The following MSRA variants were observed in gnomAD, a reference collection of about 807,000 sequenced individuals.
MSRA encodes methionine sulfoxide reductase A.
MSRA carries 54 observed loss-of-function variants against 31.3 expected under a neutral mutation model. The ratio of observed to expected loss-of-function variants is 1.73; its 90% CI spans 1.39 to 2.17. The LOEUF is 2.17. Among genes scored for constraint, MSRA ranks in the 30% most tolerant of loss-of-function variants. The probability of loss-of-function intolerance (pLI) is 0.00; values close to 1 mark genes in which losing one functional copy is unlikely to be tolerated. For missense variants in MSRA, 507 were observed against 300.9 expected (o/e 1.69, Z -5.07); for synonymous variants, 169 against 116.5 (o/e 1.45, Z -2.90).
At chr8:10,249,154 C>A (rs1010148052) in intron 3 of MSRA, among the ~76,000 whole-genome samples, 1 of 152,174 alleles carries the variant, frequency 6.6e-6, no homozygotes, top group Non-Finnish European at 1.5e-5. Flanking sequence ...GTGTTCTGAT[C>A]CATACTCTGT....
chr8:10,160,089 G>A (rs1804504912), intron 1 of MSRA, among the ~76,000 whole-genome samples: 1 of 152,196 alleles, frequency 6.6e-6, no homozygotes, highest in Non-Finnish European at 1.5e-5. Context: ...TTTGTCAGTT[G>A]AAGATGTGCA....
intron 3 of MSRA, among the ~76,000 whole-genome samples, chr8:10,266,318 T>A (rs953229695): frequency 1.3e-5 from 2 of 152,234 alleles, no homozygotes; most frequent in African/African-American, 2.4e-5. Context: ...CCTACTGTGT[T>A]TTTCACTTGC....
At chr8:10,200,569 G>A (rs564576131) in intron 1 of MSRA, among the ~76,000 whole-genome samples, 28 of 152,308 alleles carry the variant, frequency 1.8e-4, no homozygotes, top group Middle Eastern at 3.4e-3. Context: ...TCAGGGAGGA[G>A]CACTGGGAAT....
chr8:10,192,273 G>C (rs865782048), intron 1 of MSRA, among the ~76,000 whole-genome samples: 1 of 152,226 alleles, frequency 6.6e-6, no homozygotes, highest in African/African-American at 2.4e-5. Context: ...TCCACTTCTT[G>C]ACAGAAGAGT....
At chr8:10,187,495 G>C (rs984678673) in intron 1 of MSRA, among the ~76,000 whole-genome samples, 4 of 152,140 alleles carry the variant, frequency 2.6e-5, no homozygotes, top group Non-Finnish European at 5.9e-5. Context: ...GCAGGTGCCT[G>C]ACTTACACAA....
chr8:10,113,077 G>A (rs890329048), intron 1 of MSRA, among the ~76,000 whole-genome samples: 15 of 152,078 alleles, frequency 9.9e-5, no homozygotes, highest in Non-Finnish European at 1.6e-4. Context: ...CTCCAAGAGC[G>A]TAGGGCTTGT....
rs560589754 is a variant in MSRA at position 10,289,812 on chromosome 8, C to T, written c.332-11722C>T. On this transcript the variant is annotated intron_variant, in intron 3 of 5. Transcript: ENST00000317173. ...AGAAACCTGTCTTTGCTTGGAGAGC[C>T]GTCCATGTTGTTCTGTTTGTACTAA... Among the ~76,000 whole-genome samples, 11 of 152,220 alleles carry T rather than the reference C, an allele frequency of 7.2e-5. No homozygotes were observed. In the East Asian group the frequency reaches 9.7e-4, roughly 13 times the overall value.
At chr8:10,243,111 G>C (rs1423321757) in intron 2 of MSRA, among the ~76,000 whole-genome samples, 2 of 152,204 alleles carry the variant, frequency 1.3e-5, no homozygotes, top group African/African-American at 4.8e-5. Context: ...CATGGGCAAA[G>C]GTCAGGACAG....
At chr8:10,412,352 G>C (rs1208332508) in intron 5 of MSRA, among the ~76,000 whole-genome samples, 1 of 152,180 alleles carries the variant, frequency 6.6e-6, no homozygotes, top group Non-Finnish European at 1.5e-5. Flanking sequence ...CTGGTACTTT[G>C]TGTAATGCCC....
chr8:10,379,427 G>T (rs1805929814), intron 5 of MSRA, among the ~76,000 whole-genome samples: 1 of 152,224 alleles, frequency 6.6e-6, no homozygotes, highest in Non-Finnish European at 1.5e-5. Context: ...TTCACTCGCA[G>T]GTGGCGTCAG....
intron 3 of MSRA, among the ~76,000 whole-genome samples, chr8:10,297,201 G>T (rs997941348): frequency 3.3e-5 from 5 of 151,998 alleles, no homozygotes; most frequent in African/African-American, 1.2e-4. Flanking sequence ...TTCTTGGATT[G>T]GATGCTTCGT....
At chr8:10,286,966 CAGAG>C (rs765710492) in intron 3 of MSRA, among the ~76,000 whole-genome samples, 8 of 152,198 alleles carry the variant, frequency 5.3e-5, no homozygotes, top group Admixed American at 1.3e-4. Flanking sequence ...AGTCGAGACT[CAGAG>C]AGGTTAAGCG....
Position 10,069,247 on chromosome 8 carries a change from T to C in MSRA, c.142+14589T>C, listed in dbSNP as rs527845638. The stretch of plus-strand genomic sequence containing the variant: ...CTTCCTTCCCAATCTGTACACCTTT[T>C]ATTTCTTTTTCTTGTCTTACCACAT... On this transcript the variant is annotated intron_variant, in intron 1 of 5. Coordinates refer to ENST00000317173, the MANE Select transcript of MSRA (RefSeq NM_012331.5). 5.0e-3 allele frequency among the ~76,000 whole-genome samples: 762 copies of C among 152,350 alleles called. 8 individuals carry two copies. The highest frequency in any genetic ancestry group is 0.017 in the African/African-American group (727 of 41,586).
intron 3 of MSRA, among the ~76,000 whole-genome samples, chr8:10,297,908 G>T (rs928922801): frequency 1.3e-5 from 2 of 152,204 alleles, no homozygotes; most frequent in Admixed American, 1.3e-4. Context: ...CCTCGTGTCA[G>T]TTACCACACA....
intron 3 of MSRA, among the ~76,000 whole-genome samples, chr8:10,274,043 C>T (rs917190288): frequency 2.6e-5 from 4 of 152,144 alleles, no homozygotes; most frequent in African/African-American, 4.8e-5. Flanking sequence ...CCTTCTTCCT[C>T]ATGTGTCCCT....
intron 1 of MSRA, among the ~76,000 whole-genome samples, chr8:10,154,258 A>T (rs780614600): frequency 6.7e-6 from 1 of 149,954 alleles, no homozygotes; most frequent in Non-Finnish European, 1.5e-5. Context: ...AAATACTTAC[A>T]GTTCTTACCA....
intron 2 of MSRA, among the ~76,000 whole-genome samples, chr8:10,218,277 CTG>C (rs906824698): frequency 1.3e-5 from 2 of 151,966 alleles, no homozygotes; most frequent in Non-Finnish European, 2.9e-5. Context: ...TCCTGAGTAG[CTG>C]GGATTATAGG....
At chr8:10,077,824 G>C (rs1017572496) in intron 1 of MSRA, among the ~76,000 whole-genome samples, 1 of 152,124 alleles carries the variant, frequency 6.6e-6, no homozygotes, top group Non-Finnish European at 1.5e-5. Context: ...GGAGGAGACT[G>C]TTGGTGTCCA....
intron 3 of MSRA, among the ~76,000 whole-genome samples, chr8:10,278,117 A>G (rs1369638824): frequency 2.0e-5 from 3 of 152,150 alleles, no homozygotes; most frequent in Admixed American, 2.0e-4. Flanking sequence ...TATTCTACAG[A>G]TATCATTTTC....
Sources: gnomAD v4.1 joint callset for allele counts (sites outside exome capture counted in the v4.1 genomes callset) on GRCh38, gnomAD v4.1.1 for gene constraint, MANE v1.5 for transcripts, NCBI Gene and HGNC (gene_info 2026-07-23, HGNC 2026-07-21) for gene names.